LIMCH1: variants seen among roughly 807,000 people sequenced by gnomAD.
LIMCH1 encodes LIM and calponin homology domains-containing protein 1.
Under a neutral mutation model 176.5 loss-of-function variants are expected in LIMCH1, and 113 were observed. The observed-to-expected ratio is 0.64, with a 90% CI of 0.55 to 0.75. The LOEUF (loss-of-function observed/expected upper bound fraction) is 0.75, where lower values mean the gene tolerates loss of function less well. Among genes scored for constraint, LIMCH1 ranks in the 30% least tolerant of loss-of-function variants. The pLI, the probability that LIMCH1 is intolerant of heterozygous loss-of-function variation, is 0.00. For missense variants in LIMCH1, 1,674 were observed against 1,814.9 expected (o/e 0.92, Z 1.41); for synonymous variants, 619 against 645.9 (o/e 0.96, Z 0.63).
At chr4:41,407,984 A>G (rs1426097890) in intron 1 of LIMCH1, among the ~76,000 whole-genome samples, 1 of 152,220 alleles carries the variant, frequency 6.6e-6, no homozygotes, top group Non-Finnish European at 1.5e-5. Flanking sequence ...CTATTTATAA[A>G]GTTATTGACC....
At chr4:41,670,539 A>G (rs1383384369) in intron 21 of LIMCH1, among the ~76,000 whole-genome samples, 16 of 152,238 alleles carry the variant, frequency 1.1e-4, no homozygotes, top group Admixed American at 1.0e-3. Context: ...TTGATTTTGT[A>G]CATGTCTTCA....
chr4:41,638,354 G>C (rs958987285), intron 13 of LIMCH1, among the ~76,000 whole-genome samples: 4 of 152,200 alleles, frequency 2.6e-5, no homozygotes, highest in Non-Finnish European at 5.9e-5. Flanking sequence ...AGTTTTCTAG[G>C]AATTGTGGTT....
At chr4:41,497,261 A>G (rs901945501) in intron 2 of LIMCH1, among the ~76,000 whole-genome samples, 20 of 152,052 alleles carry the variant, frequency 1.3e-4, no homozygotes, top group African/African-American at 4.3e-4. Context: ...GCAACTGTGT[A>G]GAGACACCAG....
At chr4:41,485,611 A>G (rs556280746) in intron 1 of LIMCH1, among the ~76,000 whole-genome samples, 5 of 152,204 alleles carry the variant, frequency 3.3e-5, no homozygotes, top group African/African-American at 9.7e-5. Flanking sequence ...AGTAGTGTCC[A>G]ATAGTTTTTG....
intron 1 of LIMCH1, among the ~76,000 whole-genome samples, chr4:41,590,419 T>C (rs1311312642): frequency 6.6e-6 from 1 of 151,982 alleles, no homozygotes; most frequent in Non-Finnish European, 1.5e-5. Flanking sequence ...ATGGACCCTC[T>C]CCTCCACCCA....
chr4:41,403,055 T>G (rs1425772642), intron 1 of LIMCH1, among the ~76,000 whole-genome samples: 10 of 152,120 alleles, frequency 6.6e-5, no homozygotes, highest in Admixed American at 2.0e-4. Context: ...ATGAAATAAC[T>G]TATATTGAGG....
chr4:41,477,680 G>A (rs2067956523), intron 1 of LIMCH1, among the ~76,000 whole-genome samples: 1 of 152,284 alleles, frequency 6.6e-6, no homozygotes, highest in African/African-American at 2.4e-5. Context: ...TGCCAATCCT[G>A]ACTAGGCGTT....
intron 2 of LIMCH1, among the ~76,000 whole-genome samples, chr4:41,514,905 A>G (rs995330690): frequency 9.8e-5 from 15 of 152,322 alleles, no homozygotes; most frequent in Middle Eastern, 6.8e-3. Flanking sequence ...CTATAGAAGC[A>G]GTTCGCTTCA....
intron 1 of LIMCH1, among the ~76,000 whole-genome samples, chr4:41,598,054 C>G (rs573013900): frequency 6.6e-6 from 1 of 152,336 alleles, no homozygotes; most frequent in Middle Eastern, 3.4e-3. Context: ...ATTCCCTATC[C>G]TGTAGTTTTC....
chr4:41,555,893 T>A lies in LIMCH1; in HGVS notation c.-241+17543T>A, dbSNP rs951461328. ...AGTAGCTGGCACCACAGGCATTTGC[T>A]ACTGTGTCTGGTTAATTTTTCTTGT... On this transcript the variant is annotated intron_variant, in intron 1 of 31. Coordinates refer to ENST00000503057, the MANE Select transcript of LIMCH1 (RefSeq NM_001330672.2). Among the ~76,000 whole-genome samples, 6 of 152,242 alleles carry A rather than the reference T, an allele frequency of 3.9e-5. No homozygotes were observed. The South Asian group carries it at 8.3e-4, about 21-fold the overall frequency.
chr4:41,517,803 T>C (rs1241211707), intron 2 of LIMCH1, among the ~76,000 whole-genome samples: 1 of 151,690 alleles, frequency 6.6e-6, no homozygotes, highest in African/African-American at 2.4e-5. Context: ...CAAAAACAGA[T>C]GCCATGTTAT....
chr4:41,566,201 C>T (rs1440378787), intron 1 of LIMCH1, among the ~76,000 whole-genome samples: 1 of 152,130 alleles, frequency 6.6e-6, no homozygotes, highest in Non-Finnish European at 1.5e-5. Context: ...CTGGAATCAA[C>T]TTATTCCAGA....
intron 1 of LIMCH1, among the ~76,000 whole-genome samples, chr4:41,415,971 C>T (rs967140496): frequency 2.3e-4 from 35 of 150,506 alleles, no homozygotes; most frequent in East Asian, 5.8e-4. Flanking sequence ...AGTGAGACTC[C>T]GTCTCGAAAA....
At chr4:41,600,420 G>A (rs1412236780) in intron 2 of LIMCH1, among the ~76,000 whole-genome samples, 1 of 152,124 alleles carries the variant, frequency 6.6e-6, no homozygotes. Flanking sequence ...AGCTTCGTAG[G>A]TAATAATTAG....
intron 1 of LIMCH1, among the ~76,000 whole-genome samples, chr4:41,547,251 ACTC>A (rs1166742795): frequency 1.3e-5 from 2 of 151,842 alleles, no homozygotes; most frequent in South Asian, 2.1e-4. Flanking sequence ...ACTGGAACAT[ACTC>A]CTCCTGTCTA....
chr4:41,570,975 A>T (rs1413296256), intron 1 of LIMCH1, among the ~76,000 whole-genome samples: 1 of 152,140 alleles, frequency 6.6e-6, no homozygotes, highest in Non-Finnish European at 1.5e-5. Flanking sequence ...CAAGAACTGA[A>T]AAGTGTCCCT....
intron 1 of LIMCH1, among the ~76,000 whole-genome samples, chr4:41,428,067 A>C (rs2061278472): frequency 6.6e-6 from 1 of 152,188 alleles, no homozygotes; most frequent in Non-Finnish European, 1.5e-5. Flanking sequence ...GGGTGGTCTT[A>C]ACAGCTTAAC....
intron 1 of LIMCH1, among the ~76,000 whole-genome samples, chr4:41,392,858 C>A (rs777755633): frequency 1.3e-5 from 2 of 152,000 alleles, no homozygotes; most frequent in Non-Finnish European, 2.9e-5. Context: ...TGGTGAAACC[C>A]CGTCTCTACA....
At chr4:41,419,638 C>T (rs1250212145) in intron 1 of LIMCH1, among the ~76,000 whole-genome samples, 1 of 86,212 alleles carries the variant, frequency 1.2e-5, no homozygotes, top group Non-Finnish European at 2.1e-5. Flanking sequence ...TTCCTTCCTC[C>T]TTCCTTTCTT....
Sources: gnomAD v4.1 joint callset for allele counts (sites outside exome capture counted in the v4.1 genomes callset) on GRCh38, gnomAD v4.1.1 for gene constraint, MANE v1.5 for transcripts, NCBI Gene and HGNC (gene_info 2026-07-23, HGNC 2026-07-21) for gene names.